MAST2: variants seen among roughly 807,000 people sequenced by gnomAD.
The protein encoded by MAST2 is microtubule associated serine/threonine kinase 2, also known as microtubule-associated serine/threonine-protein kinase 2.
MAST2 carries 70 observed loss-of-function variants against 147.4 expected under a neutral mutation model. The ratio of observed to expected loss-of-function variants is 0.47; its 90% CI spans 0.39 to 0.58. MAST2 has a LOEUF of 0.58. Ranked by LOEUF, MAST2 falls within the 20% of genes least tolerant of loss-of-function variation. The pLI is 0.00. For synonymous variants in MAST2, 869 were observed against 896.8 expected, an observed-to-expected ratio of 0.97 and a Z score of 0.55; for missense variants, 2,080 against 2,302.3, an observed-to-expected ratio of 0.90 and a Z score of 1.98.
chr1:45,913,220 C>T (rs1234929521), intron 4 of MAST2, among the ~76,000 whole-genome samples: 1 of 152,176 alleles, frequency 6.6e-6, no homozygotes, highest in East Asian at 1.9e-4. Context: ...TGAGCCCTAA[C>T]ATTAAAGCCC....
At chr1:45,822,785 A>G (rs1458444340) in intron 1 of MAST2, among the ~76,000 whole-genome samples, 2 of 152,218 alleles carry the variant, frequency 1.3e-5, no homozygotes, top group Non-Finnish European at 2.9e-5. Context: ...GATTACCAGC[A>G]TTAGTCCAAA....
Position 45,824,517 on chromosome 1 carries a change from C to A in MAST2, c.262C>A (p.Gln88Lys), listed in dbSNP as rs749092105. The A allele has an allele frequency of 6.2e-7, 1 of 1,611,824 alleles. No individual in the cohort carries two copies. The highest frequency in any genetic ancestry group is 2.2e-5 in the East Asian group (1 of 44,826). Reference sequence around the variant, plus strand: ...TTCATCCACTGGAAAAGTTAAACTTCAGCGACAACTGAGTCAGGATGATTG... The same window carrying A: ...TTCATCCACTGGAAAAGTTAAACTTAAGCGACAACTGAGTCAGGATGATTG... Reference protein sequence around the residue: ...IFSSTGKVKLQRQLSQDDCKL... With the variant: ...IFSSTGKVKLKRQLSQDDCKL... The change falls in exon 2 of 29, where the codon CAG becomes AAG. Residue 88 changes from glutamine (Q) to lysine (K), a missense_variant. Gln to Lys is a moderately conservative substitution (Grantham distance 53). Transcript: ENST00000361297.
intron 3 of MAST2, among the ~76,000 whole-genome samples, chr1:45,878,032 C>T (rs571659281): frequency 6.6e-6 from 1 of 151,872 alleles, no homozygotes; most frequent in Non-Finnish European, 1.5e-5. Flanking sequence ...GGTGAAACCC[C>T]GTCGCTACTA....
At chr1:45,871,346 C>A (rs533175338) in intron 3 of MAST2, among the ~76,000 whole-genome samples, 22 of 152,052 alleles carry the variant, frequency 1.4e-4, no homozygotes, top group African/African-American at 5.1e-4. Context: ...CACTCCATGT[C>A]TCTTATTACC....
chr1:45,948,229 C>T (rs1658375596), intron 4 of MAST2, among the ~76,000 whole-genome samples: 1 of 152,062 alleles, frequency 6.6e-6, no homozygotes, highest in African/African-American at 2.4e-5. Context: ...ATGAGAATTG[C>T]AAAACACTGC....
intron 4 of MAST2, among the ~76,000 whole-genome samples, chr1:45,905,863 A>G (rs1003730158): frequency 1.6e-4 from 24 of 152,072 alleles, no homozygotes; most frequent in Admixed American, 3.9e-4. Flanking sequence ...TTAAGTTTCT[A>G]AAAAATTGCC....
intron 1 of MAST2, among the ~76,000 whole-genome samples, chr1:45,811,493 C>A (rs1336355199): frequency 6.6e-6 from 1 of 151,600 alleles, no homozygotes; most frequent in Non-Finnish European, 1.5e-5. Context: ...CGCCCACCAC[C>A]ACGCTCGGCT....
At chr1:45,964,696 G>T (rs1284269367) in intron 5 of MAST2, among the ~76,000 whole-genome samples, 2 of 151,880 alleles carry the variant, frequency 1.3e-5, no homozygotes, top group African/African-American at 2.4e-5. Context: ...TTTTTGAAGG[G>T]TTTTTTTGTG....
In MAST2 at chr1:46,035,013, T is replaced by C; in HGVS notation, c.4344T>C (p.Pro1448=). 6.2e-7 allele frequency: 1 copy of C among 1,613,904 alleles called. No individual in the cohort carries two copies. Among genetic ancestry groups the C allele is most frequent in the Non-Finnish European group, 8.5e-7 (1 of 1,180,004 alleles). Residue 1448 remains proline (P), a synonymous_variant, in exon 29 of 29, where the codon CCT becomes CCC. Transcript: ENST00000361297. This position sits in a 1 kb window ranked among gnomAD's most constrained non-coding sequence, Gnocchi z 5.5. ...KKELPPREVS[P]LEVVGARSVL... is the part of the protein sequence containing the mutation. ...AACTGCCGCCCAGGGAAGTGAGCCC[T>C]CTGGAGGTAGTTGGAGCCAGGAGTG...
intron 7 of MAST2, among the ~76,000 whole-genome samples, chr1:46,005,089 G>A (rs982373547): frequency 4.6e-5 from 7 of 152,164 alleles, no homozygotes; most frequent in Non-Finnish European, 1.0e-4. Context: ...CAGGCTGGGC[G>A]CGGTGGCTCA....
intron 3 of MAST2, among the ~76,000 whole-genome samples, chr1:45,835,126 G>A (rs945514708): frequency 6.6e-6 from 1 of 151,934 alleles, no homozygotes; most frequent in African/African-American, 2.4e-5. Context: ...TTTTCCTTAG[G>A]AGGCCATCAA....
chr1:45,902,171 G>A (rs970271624), intron 4 of MAST2, among the ~76,000 whole-genome samples: 4 of 152,112 alleles, frequency 2.6e-5, no homozygotes, highest in African/African-American at 4.8e-5. Flanking sequence ...TGCCTAATTC[G>A]TTGAAGGTTT....
At chr1:45,917,058 ACAAGAGCAAAACTCTGTCT>A (rs1652655964) in intron 4 of MAST2, among the ~76,000 whole-genome samples, 1 of 152,260 alleles carries the variant, frequency 6.6e-6, no homozygotes, top group South Asian at 2.1e-4. Flanking sequence ...AGCCTGGGCA[ACAAGAGCAAAACTCTGTCT>A]CAAAAAATAA....
chr1:45,961,919 C>T (rs1660476677), intron 5 of MAST2, among the ~76,000 whole-genome samples: 1 of 152,028 alleles, frequency 6.6e-6, no homozygotes, highest in African/African-American at 2.4e-5. Flanking sequence ...TATCCCTCCC[C>T]CATCCCCCCA....
intron 5 of MAST2, among the ~76,000 whole-genome samples, chr1:45,978,032 A>G (rs370739845): frequency 1.3e-5 from 2 of 152,272 alleles, no homozygotes; most frequent in Admixed American, 6.5e-5. Context: ...CCTGGGCAAC[A>G]TAGTGAAACC....
intron 4 of MAST2, among the ~76,000 whole-genome samples, chr1:45,888,086 T>C (rs1351711723): frequency 6.6e-6 from 1 of 152,216 alleles, no homozygotes; most frequent in African/African-American, 2.4e-5. Context: ...ATAGTTGTCA[T>C]GCTCATTATC....
chr1:45,888,846 A>C (rs1647234004), intron 4 of MAST2, among the ~76,000 whole-genome samples: 1 of 150,014 alleles, frequency 6.7e-6, no homozygotes, highest in Non-Finnish European at 1.5e-5. Flanking sequence ...ACGCCTGGCT[A>C]ATTTTTTGTA....
chr1:46,030,630 C>G lies in MAST2; in HGVS notation c.2577C>G (p.Leu859=), dbSNP rs1292974013. ...FNKVYSSMER[L]SLLEERRTPP... ...AGGTGTACAGCAGCATGGAGCGGCT[C>G]TCACTGCTCGAGGAGCGCCGGACAC... The change falls in exon 22 of 29, where the codon CTC becomes CTG. Residue 859 remains leucine, a synonymous_variant. Coordinates refer to ENST00000361297, the MANE Select transcript of MAST2 (RefSeq NM_015112.3). 2 of 1,611,202 alleles carry G rather than the reference C, an allele frequency of 1.2e-6. No individual in the cohort carries two copies. Among genetic ancestry groups the G allele is most frequent in the Non-Finnish European group, 1.7e-6 (2 of 1,179,198 alleles).
intron 5 of MAST2, among the ~76,000 whole-genome samples, chr1:45,992,169 G>A (rs1644880155): frequency 1.3e-5 from 2 of 152,058 alleles, no homozygotes; most frequent in Non-Finnish European, 2.9e-5. Flanking sequence ...TTAACAACAA[G>A]TATGTCTTCT....
Sources: gnomAD v4.1 joint callset for allele counts (sites outside exome capture counted in the v4.1 genomes callset) on GRCh38, gnomAD v4.1.1 for gene constraint, Gnocchi (gnomAD v3.1) non-coding constraint, MANE v1.5 for transcripts, NCBI Gene and HGNC (gene_info 2026-07-23, HGNC 2026-07-21) for gene names.